Variants in TRAP1 observed in about 807,000 individuals in gnomAD.
TRAP1 encodes the protein heat shock protein 75 kDa, mitochondrial.
A neutral mutation model predicts 89.1 loss-of-function variants in TRAP1; 102 were observed. The ratio of observed to expected loss-of-function variants is 1.15; its 90% confidence interval spans 0.98 to 1.35. TRAP1 has a LOEUF of 1.35. Among genes scored for constraint, TRAP1 ranks in the 40% most tolerant of loss-of-function variants. The pLI is 0.00. For missense variants in TRAP1, 1,256 were observed against 945.3 expected (o/e 1.33, Z -4.31); for synonymous variants, 508 against 388.0 (o/e 1.31, Z -3.64).
intron 1 of TRAP1, among the ~76,000 whole-genome samples, chr16:3,712,461 T>C (rs923027254): frequency 2.0e-5 from 3 of 152,084 alleles, no homozygotes; most frequent in African/African-American, 7.2e-5. Flanking sequence ...CTTATCAACC[T>C]GACACCCCCA....
intron 1 of TRAP1, among the ~76,000 whole-genome samples, chr16:3,708,809 C>G (rs2051486113): frequency 6.8e-6 from 1 of 147,646 alleles, no homozygotes; most frequent in Non-Finnish European, 1.5e-5. Context: ...GAGTCAGACT[C>G]TGTCTCAATT....
intron 11 of TRAP1, among the ~76,000 whole-genome samples, chr16:3,670,552 A>C (rs894072412): frequency 6.6e-6 from 1 of 151,834 alleles, no homozygotes; most frequent in Non-Finnish European, 1.5e-5. Flanking sequence ...AAATACAAAA[A>C]AATTAGCCAG....
chr16:3,708,393 C>T (rs1398735938), intron 1 of TRAP1, among the ~76,000 whole-genome samples: 5 of 152,050 alleles, frequency 3.3e-5, no homozygotes, highest in Non-Finnish European at 2.9e-5. Flanking sequence ...AATGCCAACA[C>T]TTTGGGAGGC....
intron 14 of TRAP1, 100 bp downstream of exon 14, chr16:3,663,324 G>A: frequency 6.6e-7 from 1 of 1,510,988 alleles, no homozygotes; most frequent in Non-Finnish European, 9.0e-7. Flanking sequence ...CTGAGCCCAG[G>A]TCAACTGACG....
chr16:3,671,733 G>C lies in TRAP1; in HGVS notation c.1224C>G (p.Ser408Arg), dbSNP rs377663088. Residue 408 changes from serine (S) to arginine (R), a missense_variant, in exon 11 of 18, where the codon AGC becomes AGG. Transcript: ENST00000246957. ...LNLSRELLQE[S>R]ALIRKLRDVL... ...GGCCCGAGGCTCACCTGATGAGTGC[G>C]CTCTCCTGCAGCAGCTCCCGGCTGA... 3 of 1,612,902 alleles carry C rather than the reference G, an allele frequency of 1.9e-6. No individual in the cohort carries two copies. The highest frequency in any genetic ancestry group is 1.7e-6 in the Non-Finnish European group (2 of 1,180,014).
At position 3,662,950 on chromosome 16, in the gene TRAP1, C is replaced by G; in HGVS notation, c.1726G>C (p.Glu576Gln). The part of the protein sequence containing the change: ...DRSPAAECLS[E>Q]KETEELMAWM... ...GCCATGAGCTCCTCCGTCTCCTTCTCTGATAGGCACTCGGCGGCTGCGGAA... is the reference window on the plus strand; with the variant it reads ...GCCATGAGCTCCTCCGTCTCCTTCTGTGATAGGCACTCGGCGGCTGCGGAA... The change falls in exon 15 of 18, where the codon GAG becomes CAG. Residue 576 changes from glutamate to glutamine, a missense_variant. Transcript: ENST00000246957. The G allele has an allele frequency of 6.2e-7, 1 of 1,611,630 alleles. No individual in the cohort carries two copies. The highest frequency in any genetic ancestry group is 1.1e-5 in the South Asian group (1 of 91,050).
chr16:3,658,349 A>G, intron 17 of TRAP1, 119 bp from the exon 18 acceptor site: 1 of 786,386 alleles, frequency 1.3e-6, no homozygotes. Flanking sequence ...ATCTCGGCTC[A>G]CTGCAACCTC....
intron 2 of TRAP1, among the ~76,000 whole-genome samples, chr16:3,689,534 A>C (rs1338924204): frequency 1.3e-5 from 2 of 152,158 alleles, no homozygotes; most frequent in Non-Finnish European, 2.9e-5. Context: ...AAAAAGAAAG[A>C]AGCAGACAGA....
chr16:3,673,133 G>A (rs2050938279), intron 9 of TRAP1, among the ~76,000 whole-genome samples: 2 of 152,178 alleles, frequency 1.3e-5, no homozygotes, highest in Non-Finnish European at 2.9e-5. Context: ...TCAGGGATCA[G>A]CAAAGAGCCC....
chr16:3,713,120 C>CAA (rs1409651436), intron 1 of TRAP1, among the ~76,000 whole-genome samples: 1 of 151,816 alleles, frequency 6.6e-6, no homozygotes, highest in African/African-American at 2.4e-5. Context: ...GTTTCACAGA[C>CAA]AGAGTCGCAA....
In TRAP1 at chr16:3,675,519, A is replaced by T. The variant is rs577645201; in HGVS notation, c.815-122T>A. ...GGGTCCTCCATGCTGTGTACACTTC[A>T]CAGGTACAGAAACAGGGCACAGTGG... On this transcript the variant is annotated intron_variant, in intron 7 of 17. Transcript: ENST00000246957. The T allele has an allele frequency of 8.3e-5, 74 of 888,376 alleles. No individual in the cohort carries two copies. The African/African-American group carries it at 9.7e-4, about 12-fold the overall frequency. 55.0% of individuals were successfully genotyped at this position (888,376 alleles called of 1,614,324 possible).
At chr16:3,659,245 G>A (rs2042921498) in intron 16 of TRAP1, 1 of 177,228 alleles carries the variant, frequency 5.6e-6, no homozygotes, top group South Asian at 1.2e-4. Flanking sequence ...TCTGGAAAGG[G>A]GGAAGGCAAA....
chr16:3,716,799 A>C (rs777203699), intron 1 of TRAP1, among the ~76,000 whole-genome samples: 1 of 152,276 alleles, frequency 6.6e-6, no homozygotes, highest in Non-Finnish European at 1.5e-5. Flanking sequence ...GCATCCATCA[A>C]TTCCAGGCCC....
chr16:3,672,714 A>C lies in TRAP1; in HGVS notation c.1151T>G (p.Leu384Arg), dbSNP rs1342509122. Residue 384 changes from leucine (L) to arginine (R), a missense_variant, in exon 10 of 18, where the codon CTG (leucine) becomes CGG (arginine). Transcript: ENST00000246957. Reference sequence around the variant, plus strand: ...GAGCAGCGTACCTCGGATGAAGCGCAGCCACTTGGGCAGGATGTCCGTGGC... The same window carrying C: ...GAGCAGCGTACCTCGGATGAAGCGCCGCCACTTGGGCAGGATGTCCGTGGC... ...TKATDILPKW[L>R]RFIRGVVDSE... 6.2e-7 allele frequency: 1 copy of C among 1,609,460 alleles called. No individual in the cohort carries two copies.
intron 9 of TRAP1, 41 bp downstream of exon 9, chr16:3,674,297 CA>C: frequency 1.2e-6 from 2 of 1,607,846 alleles, no homozygotes; most frequent in Non-Finnish European, 1.7e-6. Flanking sequence ...CAGGGGACAA[CA>C]GAGTCACCCT....
chr16:3,672,954 G>T, intron 9 of TRAP1, 134 bp from the exon 10 acceptor site: 1 of 1,337,342 alleles, frequency 7.5e-7, no homozygotes, highest in Non-Finnish European at 9.9e-7. Context: ...GCTCTGAGTT[G>T]AAGCCCAGTG....
chr16:3,688,173 T>C (rs1005372345), intron 3 of TRAP1, among the ~76,000 whole-genome samples: 19 of 144,248 alleles, frequency 1.3e-4, no homozygotes, highest in African/African-American at 5.0e-4. Context: ...TTTTGCGGGG[T>C]TTTTTTTAAT....
intron 1 of TRAP1, among the ~76,000 whole-genome samples, chr16:3,707,225 G>A (rs371698216): frequency 1.2e-4 from 17 of 137,180 alleles, no homozygotes; most frequent in South Asian, 9.1e-4. Flanking sequence ...TCGCTCTGTC[G>A]CCCAGGCTGG....
At chr16:3,701,046 C>G (rs575134001) in intron 1 of TRAP1, among the ~76,000 whole-genome samples, 1 of 152,238 alleles carries the variant, frequency 6.6e-6, no homozygotes, top group East Asian at 1.9e-4. Flanking sequence ...TAATTACATG[C>G]TATCTACAAG....
Sources: gnomAD v4.1 joint callset for allele counts (sites outside exome capture counted in the v4.1 genomes callset) on GRCh38, gnomAD v4.1.1 for gene constraint, MANE v1.5 for transcripts, NCBI Gene and HGNC (gene_info 2026-07-23, HGNC 2026-07-21) for gene names.